SEMA3E: variants seen among roughly 807,000 people sequenced by gnomAD.
SEMA3E encodes the protein semaphorin 3E.
A neutral mutation model predicts 93.6 loss-of-function variants in SEMA3E; 49 were observed. The ratio of observed to expected loss-of-function variants is 0.52; its 90% CI spans 0.42 to 0.66. The LOEUF is 0.66. Among genes scored for constraint, SEMA3E ranks in the 30% least tolerant of loss-of-function variants. The pLI, the probability that SEMA3E is intolerant of heterozygous loss-of-function variation, is 0.00. For missense variants in SEMA3E, 906 were observed against 964.8 expected (o/e 0.94, Z 0.81); for synonymous variants, 363 against 330.7 (o/e 1.10, Z -1.06).
At chr7:83,525,380 G>A (rs566140185) in intron 1 of SEMA3E, among the ~76,000 whole-genome samples, 1 of 151,892 alleles carries the variant, frequency 6.6e-6, no homozygotes, top group African/African-American at 2.4e-5. Flanking sequence ...ATTGTACTGG[G>A]CTCTCTCAAT....
At chr7:83,375,579 C>T (rs1794809117) in intron 16 of SEMA3E, among the ~76,000 whole-genome samples, 1 of 151,896 alleles carries the variant, frequency 6.6e-6, no homozygotes, top group Admixed American at 6.6e-5. Context: ...ATAATTTATA[C>T]TAGAACAAAA....
chr7:83,612,949 C>T (rs929863693), intron 1 of SEMA3E, among the ~76,000 whole-genome samples: 1 of 151,980 alleles, frequency 6.6e-6, no homozygotes, highest in African/African-American at 2.4e-5. Flanking sequence ...CATGATTCAG[C>T]CAGTACAGAC....
At position 83,407,216 on chromosome 7, in the gene SEMA3E, T is replaced by C. The variant is rs889890773; in HGVS notation, c.694A>G (p.Met232Val). The change falls in exon 7 of 17, where the codon ATG becomes GTG. Residue 232 changes from methionine (M) to valine (V), a missense_variant. By Grantham distance (21) the Met-to-Val change is conservative. Transcript: ENST00000643230. Reference sequence around the variant, plus strand: ...TCTCTGTCTTCATTGTCAGGAATCATGTATGAACCTACAAATTTTGGTTCT... The same window carrying C: ...TCTCTGTCTTCATTGTCAGGAATCACGTATGAACCTACAAATTTTGGTTCT... ...LKEPKFVGSY[M>V]IPDNEDRDDN... 6.2e-7 allele frequency: 1 copy of C among 1,613,246 alleles called. No individual in the cohort carries two copies. The highest frequency in any genetic ancestry group is 8.5e-7 in the Non-Finnish European group (1 of 1,179,658).
intron 4 of SEMA3E, among the ~76,000 whole-genome samples, chr7:83,440,817 AAAG>A (rs1789098988): frequency 6.6e-6 from 1 of 151,784 alleles, no homozygotes; most frequent in Non-Finnish European, 1.5e-5. Flanking sequence ...AAAAAAAAAA[AAAG>A]ACAGATAAAA....
intron 4 of SEMA3E, among the ~76,000 whole-genome samples, chr7:83,453,541 T>C (rs1789409749): frequency 6.6e-6 from 1 of 151,888 alleles, no homozygotes; most frequent in Non-Finnish European, 1.5e-5. Flanking sequence ...CAGTAATTAG[T>C]CTGCAGAATG....
intron 1 of SEMA3E, among the ~76,000 whole-genome samples, chr7:83,556,035 C>T (rs1342336428): frequency 6.6e-6 from 1 of 152,126 alleles, no homozygotes; most frequent in African/African-American, 2.4e-5. Context: ...GCACTAACTG[C>T]ATTTTCTCTG....
At chr7:83,445,976 G>A (rs1464589298) in intron 4 of SEMA3E, among the ~76,000 whole-genome samples, 1 of 152,130 alleles carries the variant, frequency 6.6e-6, no homozygotes, top group East Asian at 1.9e-4. Context: ...AGCATCTTGT[G>A]TACACTTACT....
At chr7:83,608,340 C>T (rs962196276) in intron 1 of SEMA3E, among the ~76,000 whole-genome samples, 2 of 152,072 alleles carry the variant, frequency 1.3e-5, no homozygotes, top group Non-Finnish European at 2.9e-5. Flanking sequence ...TTGTAGGTTT[C>T]TCCTATTACT....
chr7:83,493,528 C>A (rs2251921), intron 1 of SEMA3E, among the ~76,000 whole-genome samples: 137,908 of 151,908 alleles, frequency 0.91, 63,307 homozygotes, highest in East Asian at 1. Flanking sequence ...TTCTTAGAAA[C>A]ATTTCTAAGG....
intron 16 of SEMA3E, among the ~76,000 whole-genome samples, chr7:83,379,459 C>G (rs1787733192): frequency 6.6e-6 from 1 of 151,874 alleles, no homozygotes; most frequent in Admixed American, 6.6e-5. Flanking sequence ...ATATAAAGCA[C>G]TTAGAATAGC....
chr7:83,585,558 G>C (rs184280354), intron 1 of SEMA3E, among the ~76,000 whole-genome samples: 250 of 152,224 alleles, frequency 1.6e-3, no homozygotes, highest in African/African-American at 5.8e-3. Flanking sequence ...ATTGTATTAG[G>C]ATATTAAGAC....
chr7:83,391,012 G>A (rs186006143), intron 14 of SEMA3E, among the ~76,000 whole-genome samples: 1 of 152,212 alleles, frequency 6.6e-6, no homozygotes, highest in Non-Finnish European at 1.5e-5. Context: ...CTTGTAAACA[G>A]TTTTATTGTT....
intron 4 of SEMA3E, among the ~76,000 whole-genome samples, chr7:83,453,468 G>C (rs1378406451): frequency 6.8e-6 from 1 of 146,598 alleles, no homozygotes; most frequent in Non-Finnish European, 1.5e-5. Context: ...TATTTTTATG[G>C]CCCGTAATCT....
chr7:83,537,976 T>C (rs1358401920), intron 1 of SEMA3E, among the ~76,000 whole-genome samples: 3 of 152,146 alleles, frequency 2.0e-5, no homozygotes, highest in Non-Finnish European at 4.4e-5. Flanking sequence ...AATCATATGG[T>C]ATGTGAACTT....
chr7:83,590,158 A>G (rs1176810800), intron 1 of SEMA3E, among the ~76,000 whole-genome samples: 1 of 152,178 alleles, frequency 6.6e-6, no homozygotes, highest in Non-Finnish European at 1.5e-5. Context: ...AAAATGTCAA[A>G]CACCTAGAAA....
At chr7:83,478,316 C>T (rs1790065753) in intron 2 of SEMA3E, among the ~76,000 whole-genome samples, 1 of 152,040 alleles carries the variant, frequency 6.6e-6, no homozygotes. Flanking sequence ...GTTTCTGAAA[C>T]TGAAAGTTTA....
chr7:83,552,714 A>T (rs550713264), intron 1 of SEMA3E, among the ~76,000 whole-genome samples: 1 of 152,198 alleles, frequency 6.6e-6, no homozygotes, highest in South Asian at 2.1e-4. Flanking sequence ...ACTGAGATAC[A>T]CGCCCTGGTA....
intron 1 of SEMA3E, among the ~76,000 whole-genome samples, chr7:83,618,394 G>GT (rs1338693526): frequency 3.3e-5 from 5 of 152,064 alleles, no homozygotes; most frequent in East Asian, 3.9e-4. Context: ...TGACAAGTAA[G>GT]TTTTTTTATT....
At chr7:83,624,319 G>A (rs1793626006) in intron 1 of SEMA3E, among the ~76,000 whole-genome samples, 1 of 152,024 alleles carries the variant, frequency 6.6e-6, no homozygotes, top group Non-Finnish European at 1.5e-5. Context: ...AACAATGGTT[G>A]AAGTAATTTA....
Sources: gnomAD v4.1 joint callset for allele counts (sites outside exome capture counted in the v4.1 genomes callset) on GRCh38, gnomAD v4.1.1 for gene constraint, MANE v1.5 for transcripts, NCBI Gene and HGNC (gene_info 2026-07-23, HGNC 2026-07-21) for gene names.